CCSER1: variants seen among roughly 807,000 people sequenced by gnomAD.
CCSER1 encodes coiled-coil serine rich protein 1.
CCSER1 carries 41 observed loss-of-function variants against 82.0 expected under a neutral mutation model. The observed-to-expected ratio is 0.50, with a 90% confidence interval of 0.39 to 0.65. The LOEUF is 0.65. Among genes scored for constraint, CCSER1 ranks in the 30% least tolerant of loss-of-function variants. CCSER1 has a pLI of 0.00. For missense variants in CCSER1, 1,119 were observed against 1,064.2 expected, an observed-to-expected ratio of 1.05 and a Z score of -0.72; for synonymous variants, 414 against 383.9, an observed-to-expected ratio of 1.08 and a Z score of -0.92.
Position 90,320,422 on chromosome 4 carries a change from A to C in CCSER1, c.1509+7375A>C, listed in dbSNP as rs375242026. 1.7e-3 allele frequency among the ~76,000 whole-genome samples: 260 copies of C among 152,310 alleles called. 1 individual carries two copies. The highest frequency in any genetic ancestry group is 5.4e-3 in the African/African-American group (225 of 41,568). ...CTTTTTTGACACTAAATCCTTGATC[A>C]GGAAGGCCATACCAATTATGACATT... On this transcript the variant is annotated intron_variant, in intron 3 of 10. Transcript: ENST00000509176.
At chr4:90,562,841 C>CTT (rs535276224) in intron 5 of CCSER1, among the ~76,000 whole-genome samples, 8 of 133,432 alleles carry the variant, frequency 6.0e-5, no homozygotes, top group South Asian at 2.4e-4. Flanking sequence ...CCCAGCCTCC[C>CTT]TTTTTTTTTT....
At chr4:91,583,685 C>T (rs1248440198) in intron 10 of CCSER1, among the ~76,000 whole-genome samples, 1 of 151,482 alleles carries the variant, frequency 6.6e-6, no homozygotes, top group East Asian at 1.9e-4. Context: ...TCTTCTTGTG[C>T]ATTACACTAA....
intron 10 of CCSER1, among the ~76,000 whole-genome samples, chr4:91,433,666 G>A (rs1446720134): frequency 6.6e-6 from 1 of 152,206 alleles, no homozygotes; most frequent in Non-Finnish European, 1.5e-5. Flanking sequence ...TAGCCTAGAA[G>A]CAATGGGCTG....
At chr4:91,168,557 A>C (rs1732411615) in intron 10 of CCSER1, among the ~76,000 whole-genome samples, 1 of 123,556 alleles carries the variant, frequency 8.1e-6, no homozygotes, top group East Asian at 2.6e-4. Context: ...CCGGCTGCCC[A>C]TCATCTGGGA....
At chr4:90,848,108 T>A (rs1303502762) in intron 8 of CCSER1, among the ~76,000 whole-genome samples, 1 of 152,208 alleles carries the variant, frequency 6.6e-6, no homozygotes, top group Non-Finnish European at 1.5e-5. Flanking sequence ...CAATCACTTT[T>A]AATTAACAAT....
chr4:90,802,560 A>G (rs992823795), intron 7 of CCSER1, among the ~76,000 whole-genome samples: 5 of 132,276 alleles, frequency 3.8e-5, no homozygotes, highest in African/African-American at 1.5e-4. Flanking sequence ...TTATAGCATC[A>G]AGTAGTAATT....
rs145423517 is a variant in CCSER1, at chr4:90,814,966, A to AT, written c.2011-795dup. 8.4e-3 allele frequency among the ~76,000 whole-genome samples: 1,282 copies of AT among 152,254 alleles called. 16 individuals carry two copies. The highest frequency in any genetic ancestry group is 0.03 in the African/African-American group (1,244 of 41,552). On this transcript the variant is annotated intron_variant, in intron 7 of 10. Transcript: ENST00000509176. ...GCTTCCACATTTTCAGTTTATCTTT[A>AT]TAGCAGTGCCCCACTCCAATCACCA...
At chr4:91,075,157 A>G (rs1411182224) in intron 9 of CCSER1, among the ~76,000 whole-genome samples, 1 of 146,602 alleles carries the variant, frequency 6.8e-6, no homozygotes, top group Admixed American at 7.0e-5. Flanking sequence ...AGAATGCAAG[A>G]CAAATTTGGT....
At chr4:90,886,568 A>G (rs779726824) in intron 8 of CCSER1, among the ~76,000 whole-genome samples, 18 of 152,220 alleles carry the variant, frequency 1.2e-4, no homozygotes, top group Non-Finnish European at 2.2e-4. Context: ...AAACTCTAAG[A>G]TAGGTAATAA....
intron 9 of CCSER1, among the ~76,000 whole-genome samples, chr4:91,026,179 A>C (rs1001507797): frequency 3.9e-5 from 6 of 152,110 alleles, no homozygotes; most frequent in African/African-American, 1.4e-4. Context: ...CATGCATGAC[A>C]CCTAAAACTT....
At chr4:90,411,227 C>G (rs1167862282) in intron 4 of CCSER1, among the ~76,000 whole-genome samples, 1 of 152,114 alleles carries the variant, frequency 6.6e-6, no homozygotes, top group South Asian at 2.1e-4. Context: ...CCTTCTGAAA[C>G]TATTCCAATC....
At chr4:90,797,257 A>G (rs1413850104) in intron 7 of CCSER1, among the ~76,000 whole-genome samples, 1 of 151,958 alleles carries the variant, frequency 6.6e-6, no homozygotes, top group East Asian at 1.9e-4. Context: ...TTTTATTTTT[A>G]TATTTGTTGG....
intron 9 of CCSER1, among the ~76,000 whole-genome samples, chr4:91,046,648 T>A (rs1742516070): frequency 6.6e-6 from 1 of 152,192 alleles, no homozygotes; most frequent in African/African-American, 2.4e-5. Flanking sequence ...ATATATAGCT[T>A]CCAAAGTTGT....
Position 91,412,546 on chromosome 4 carries a change from G to A in CCSER1, c.2218-186026G>A, listed in dbSNP as rs571457415. On this transcript the variant is annotated intron_variant, in intron 10 of 10. Transcript: ENST00000509176. ...GCTACTGACTGAGGTCCTTATGGAA[G>A]TCCAACCCACCCAGGGACCAGACAA... Among the ~76,000 whole-genome samples, 225 of 152,146 alleles carry A rather than the reference G, an allele frequency of 1.5e-3. 2 individuals are homozygous for A. Among genetic ancestry groups the A allele is most frequent in the African/African-American group, 5.3e-3 (218 of 41,512 alleles).
intron 1 of CCSER1, among the ~76,000 whole-genome samples, chr4:90,291,044 AAAAATAAT>A (rs1363998234): frequency 7.5e-6 from 1 of 133,344 alleles, no homozygotes; most frequent in Non-Finnish European, 1.5e-5. Context: ...TATATTCCTT[AAAAATAAT>A]TTTTATTTCA....
chr4:90,970,085 T>C (rs1319359709), intron 9 of CCSER1, among the ~76,000 whole-genome samples: 1 of 151,846 alleles, frequency 6.6e-6, no homozygotes, highest in Non-Finnish European at 1.5e-5. Context: ...ATGGTAATTT[T>C]CCAAATCTAG....
chr4:90,217,541 A>G (rs1258223168), intron 1 of CCSER1, among the ~76,000 whole-genome samples: 2 of 152,136 alleles, frequency 1.3e-5, no homozygotes, highest in Non-Finnish European at 2.9e-5. Context: ...GTCCCAAAAG[A>G]GAGATAGGCT....
intron 1 of CCSER1, among the ~76,000 whole-genome samples, chr4:90,283,510 T>C (rs569988853): frequency 6.6e-6 from 1 of 152,048 alleles, no homozygotes; most frequent in Non-Finnish European, 1.5e-5. Context: ...CATTTCATGT[T>C]AAGAACATTA....
chr4:90,535,454 C>G (rs145568169), intron 5 of CCSER1, among the ~76,000 whole-genome samples: 110 of 152,158 alleles, frequency 7.2e-4, no homozygotes, highest in African/African-American at 2.1e-3. Flanking sequence ...AAAAAGGAAT[C>G]ATTTTGTATT....
Sources: gnomAD v4.1 joint callset for allele counts (sites outside exome capture counted in the v4.1 genomes callset) on GRCh38, gnomAD v4.1.1 for gene constraint, MANE v1.5 for transcripts, NCBI Gene and HGNC (gene_info 2026-07-23, HGNC 2026-07-21) for gene names.